Variants in PIP5K1B observed in about 807,000 individuals in gnomAD.
The protein encoded by PIP5K1B is phosphatidylinositol 4-phosphate 5-kinase type-1 beta.
Under a neutral mutation model 67.0 loss-of-function variants are expected in PIP5K1B, and 42 were observed. The observed-to-expected ratio is 0.63, with a 90% CI of 0.49 to 0.81. PIP5K1B has a LOEUF of 0.81. PIP5K1B is among the 30% of genes least tolerant of loss of function. PIP5K1B has a pLI of 0.00. For missense variants in PIP5K1B, 459 were observed against 646.3 expected (o/e 0.71, Z 3.14); for synonymous variants, 214 against 231.4 (o/e 0.92, Z 0.68).
At chr9:68,859,737 A>G (rs145960978) in intron 4 of PIP5K1B, among the ~76,000 whole-genome samples, 37 of 152,258 alleles carry the variant, frequency 2.4e-4, no homozygotes, top group African/African-American at 7.9e-4. Context: ...GCAATCACCA[A>G]CACTTCACAC....
intron 14 of PIP5K1B, among the ~76,000 whole-genome samples, chr9:68,945,155 T>G (rs1188548422): frequency 6.6e-6 from 1 of 152,108 alleles, no homozygotes; most frequent in Non-Finnish European, 1.5e-5. Flanking sequence ...TTTGGTTTTT[T>G]GGGTTTTTTT....
intron 5 of PIP5K1B, among the ~76,000 whole-genome samples, chr9:68,864,418 T>C (rs1052064513): frequency 2.0e-5 from 3 of 152,276 alleles, no homozygotes; most frequent in Non-Finnish European, 2.9e-5. Context: ...ATCTCTTCTC[T>C]TTTATGATGA....
At chr9:68,887,476 A>G (rs1351955417) in intron 6 of PIP5K1B, among the ~76,000 whole-genome samples, 1 of 152,192 alleles carries the variant, frequency 6.6e-6, no homozygotes, top group Non-Finnish European at 1.5e-5. Context: ...AAGGCTGGGG[A>G]GGAGGCTGGG....
At chr9:68,716,624 C>G (rs1158048979) in intron 1 of PIP5K1B, among the ~76,000 whole-genome samples, 1 of 152,100 alleles carries the variant, frequency 6.6e-6, no homozygotes, top group Admixed American at 6.6e-5. Flanking sequence ...CGCTTATGCA[C>G]GATTGCTTGG....
intron 1 of PIP5K1B, among the ~76,000 whole-genome samples, chr9:68,714,840 A>G (rs552961238): frequency 3.3e-5 from 5 of 152,146 alleles, no homozygotes; most frequent in Admixed American, 3.3e-4. Flanking sequence ...TACCGCAAAT[A>G]CCAAGTTCTT....
At chr9:68,789,126 G>A (rs1040344950) in intron 2 of PIP5K1B, 11 of 578,446 alleles carry the variant, frequency 1.9e-5, no homozygotes, top group African/African-American at 1.5e-4. Flanking sequence ...ATCAAAATAG[G>A]CCTCATTGTT....
chr9:68,709,905 G>A (rs1332496427), intron 1 of PIP5K1B, among the ~76,000 whole-genome samples: 1 of 152,182 alleles, frequency 6.6e-6, no homozygotes, highest in Non-Finnish European at 1.5e-5. Context: ...GCAAGGCCTT[G>A]TCTCAGAAAA....
intron 5 of PIP5K1B, among the ~76,000 whole-genome samples, 182 bp downstream of exon 5, chr9:68,864,149 A>G (rs1260856664): frequency 6.6e-6 from 1 of 152,304 alleles, no homozygotes; most frequent in South Asian, 2.1e-4. Flanking sequence ...ATGTCTCACA[A>G]TTTTTATGTG....
intron 2 of PIP5K1B, among the ~76,000 whole-genome samples, chr9:68,790,237 A>C (rs1481846548): frequency 6.6e-6 from 1 of 152,234 alleles, no homozygotes; most frequent in African/African-American, 2.4e-5. Flanking sequence ...AATCCTTGAG[A>C]AACTTTACTT....
intron 1 of PIP5K1B, among the ~76,000 whole-genome samples, chr9:68,713,520 A>G (rs567746531): frequency 4.0e-4 from 61 of 152,338 alleles, no homozygotes; most frequent in African/African-American, 1.4e-3. Flanking sequence ...TGCTCCAAGT[A>G]TAAGCCTCCT....
At chr9:68,878,912 G>A (rs1303947626) in intron 6 of PIP5K1B, among the ~76,000 whole-genome samples, 1 of 152,180 alleles carries the variant, frequency 6.6e-6, no homozygotes, top group East Asian at 1.9e-4. Context: ...TGAAGGGTTG[G>A]AAGGGGCACT....
At chr9:68,797,205 CTT>C (rs1832341330) in intron 2 of PIP5K1B, among the ~76,000 whole-genome samples, 1 of 152,106 alleles carries the variant, frequency 6.6e-6, no homozygotes, top group East Asian at 1.9e-4. Flanking sequence ...GTCTACGATG[CTT>C]TGTTGTTATT....
chr9:69,005,058 C>A (rs1831012235), intron 15 of PIP5K1B, among the ~76,000 whole-genome samples: 1 of 151,834 alleles, frequency 6.6e-6, no homozygotes. Context: ...TTCTTGAGCC[C>A]TGAGGGTGAG....
intron 1 of PIP5K1B, among the ~76,000 whole-genome samples, chr9:68,735,234 T>C (rs10119614): frequency 0.95 from 144,599 of 151,442 alleles, 69,117 homozygotes; most frequent in African/African-American, 0.97. Context: ...TATATTAGTA[T>C]ATACATTTGC....
chr9:69,000,645 TC>T (rs1340753544), intron 15 of PIP5K1B, among the ~76,000 whole-genome samples: 1 of 152,132 alleles, frequency 6.6e-6, no homozygotes, highest in Non-Finnish European at 1.5e-5. Flanking sequence ...TATCCAAAAT[TC>T]CCCTTTGCAT....
intron 12 of PIP5K1B, among the ~76,000 whole-genome samples, chr9:68,925,796 T>TTTTTTTTTTTCC (rs1554739085): frequency 2.3e-5 from 1 of 43,326 alleles, no homozygotes; most frequent in Non-Finnish European, 5.0e-5. Context: ...GTGGTTCCAA[T>TTTTTTTTTTTCC]TTTTTTTTTT....
chr9:68,997,178 A>G (rs1451526959), intron 15 of PIP5K1B, among the ~76,000 whole-genome samples: 1 of 152,252 alleles, frequency 6.6e-6, no homozygotes, highest in Non-Finnish European at 1.5e-5. Context: ...TTAACAGCTT[A>G]TCATACTATT....
chr9:68,878,825 G>A (rs1460410259), intron 6 of PIP5K1B, among the ~76,000 whole-genome samples: 5 of 152,206 alleles, frequency 3.3e-5, no homozygotes, highest in South Asian at 4.1e-4. Flanking sequence ...CTTCTTATGA[G>A]CATGATGTGG....
At chr9:68,885,341 G>A (rs1183426485) in intron 6 of PIP5K1B, among the ~76,000 whole-genome samples, 4 of 152,216 alleles carry the variant, frequency 2.6e-5, no homozygotes, top group Non-Finnish European at 5.9e-5. Flanking sequence ...AAATGTTGGC[G>A]AATGGATATG....
Sources: allele counts gnomAD v4.1 joint callset (sites outside exome capture counted in the v4.1 genomes callset), GRCh38; gene constraint gnomAD v4.1.1; transcripts MANE v1.5; gene names NCBI Gene and HGNC (gene_info 2026-07-23, HGNC 2026-07-21).